Variants in FBXL13 observed in about 807,000 individuals in gnomAD.
The protein encoded by FBXL13 is F-box and leucine-rich repeat protein 13.
Under a neutral mutation model 83.6 loss-of-function variants are expected in FBXL13, and 67 were observed. The observed-to-expected ratio is 0.80, with a 90% CI of 0.66 to 0.98. The LOEUF is 0.98. Ranked by LOEUF, FBXL13 falls within the 50% of genes least tolerant of loss-of-function variation. The probability of loss-of-function intolerance (pLI) is 0.00; values close to 1 mark genes in which losing one functional copy is unlikely to be tolerated. For missense variants in FBXL13, 822 were observed against 866.5 expected, an observed-to-expected ratio of 0.95 and a Z score of 0.64; for synonymous variants, 272 against 299.5, an observed-to-expected ratio of 0.91 and a Z score of 0.95.
chr7:103,053,606 T>C (rs1797050810), intron 2 of FBXL13, among the ~76,000 whole-genome samples: 1 of 152,174 alleles, frequency 6.6e-6, no homozygotes, highest in African/African-American at 2.4e-5. Context: ...ATTTTAGCAA[T>C]AGTTGTCAAG....
intron 11 of FBXL13, among the ~76,000 whole-genome samples, chr7:102,897,671 T>A (rs1365388888): frequency 6.6e-6 from 1 of 152,208 alleles, no homozygotes; most frequent in Non-Finnish European, 1.5e-5. Context: ...TTTTTTCCCT[T>A]GAGTTCTTTT....
intron 8 of FBXL13, among the ~76,000 whole-genome samples, chr7:102,952,024 A>T (rs542905733): frequency 5.0e-4 from 76 of 152,300 alleles, no homozygotes; most frequent in African/African-American, 1.7e-3. Context: ...CCTTAAAAAG[A>T]AATGCTGACA....
At chr7:103,005,530 GT>G (rs1357895708) in intron 6 of FBXL13, among the ~76,000 whole-genome samples, 1 of 152,120 alleles carries the variant, frequency 6.6e-6, no homozygotes, top group East Asian at 1.9e-4. Flanking sequence ...ATATCTCACA[GT>G]TCTGGAAGCT....
intron 17 of FBXL13, among the ~76,000 whole-genome samples, chr7:102,840,358 C>T (rs1802710725): frequency 6.6e-6 from 1 of 152,224 alleles, no homozygotes; most frequent in African/African-American, 2.4e-5. Context: ...ATAACCCACA[C>T]TTTTTACATT....
intron 6 of FBXL13, among the ~76,000 whole-genome samples, chr7:102,971,054 G>A (rs1260500214): frequency 6.6e-6 from 1 of 152,150 alleles, no homozygotes; most frequent in Non-Finnish European, 1.5e-5. Context: ...AAATGTTTTA[G>A]AACTGATGAA....
At chr7:102,915,481 C>T (rs1815658073) in intron 10 of FBXL13, among the ~76,000 whole-genome samples, 2 of 63,910 alleles carry the variant, frequency 3.1e-5, no homozygotes, top group Admixed American at 3.9e-4. Context: ...AAGGATTTCA[C>T]ATTGAATGTA....
chr7:102,974,561 TGAC>T (rs1439721979), intron 6 of FBXL13, among the ~76,000 whole-genome samples: 2 of 152,156 alleles, frequency 1.3e-5, no homozygotes, highest in African/African-American at 4.8e-5. Context: ...CAATTATTGC[TGAC>T]GACTGGAGAA....
intron 6 of FBXL13, among the ~76,000 whole-genome samples, chr7:103,010,413 C>G (rs192394570): frequency 2.0e-5 from 3 of 151,218 alleles, no homozygotes; most frequent in East Asian, 4.0e-4. Flanking sequence ...CTGCTTGAAT[C>G]TGCTGAGAAG....
At chr7:103,051,893 G>C (rs1796856156) in intron 2 of FBXL13, among the ~76,000 whole-genome samples, 1 of 152,206 alleles carries the variant, frequency 6.6e-6, no homozygotes. Flanking sequence ...GATTGGCCAA[G>C]TCTCAGCTAT....
At chr7:102,959,747 A>T (rs1162447143) in intron 8 of FBXL13, among the ~76,000 whole-genome samples, 1 of 152,108 alleles carries the variant, frequency 6.6e-6, no homozygotes, top group African/African-American at 2.4e-5. Flanking sequence ...GGTTAAAGAC[A>T]AATATCACAA....
At chr7:102,817,811 C>T (rs1446395342) in intron 19 of FBXL13, among the ~76,000 whole-genome samples, 1 of 152,142 alleles carries the variant, frequency 6.6e-6, no homozygotes, top group East Asian at 1.9e-4. Context: ...TCTTTGACTG[C>T]ATTCCATTCT....
rs1347968199 is a variant in FBXL13, at chr7:103,060,043, T to C, written c.-104-4296A>G. ...TTTTATATATATATATATATATATATATATATATATATATATATATACTTT... is the reference window on the plus strand; with the variant it reads ...TTTTATATATATATATATATATATACATATATATATATATATATATACTTT... On this transcript the variant is annotated intron_variant, in intron 1 of 19. Transcript: ENST00000313221. Among the ~76,000 whole-genome samples, 9 of 98,864 alleles carry C rather than the reference T, an allele frequency of 9.1e-5. 1 individual carries two copies. Among genetic ancestry groups the C allele is most frequent in the Admixed American group, 5.4e-4 (6 of 11,126 alleles). 64.9% of individuals were successfully genotyped at this position (98,864 alleles called of 152,430 possible).
At chr7:102,821,882 G>A (rs115902620) in intron 19 of FBXL13, among the ~76,000 whole-genome samples, 158 bp downstream of exon 20, 141 of 152,300 alleles carry the variant, frequency 9.3e-4, no homozygotes, top group African/African-American at 3.1e-3. Flanking sequence ...GGCCGTTTTA[G>A]AACAACTCAC....
chr7:102,934,500 A>G (rs1819894170), intron 8 of FBXL13: 1 of 1,613,818 alleles, frequency 6.2e-7, no homozygotes, highest in Non-Finnish European at 8.5e-7. Context: ...GAAAGTCCAC[A>G]AGAACAAAAA....
At chr7:102,829,147 C>T (rs80112170) in intron 18 of FBXL13, among the ~76,000 whole-genome samples, 4,446 of 152,272 alleles carry the variant, frequency 0.029, 187 homozygotes, top group East Asian at 0.16. Context: ...CCCTCAGCTG[C>T]GGTGCAAGTG....
chr7:103,059,895 C>T (rs1295981868), intron 1 of FBXL13, among the ~76,000 whole-genome samples: 2 of 151,130 alleles, frequency 1.3e-5, no homozygotes, highest in Non-Finnish European at 2.9e-5. Context: ...CGTCTGTTTC[C>T]GTTTCCTTAA....
At chr7:102,877,328 A>G in intron 16 of FBXL13, 139 bp downstream of exon 17, 1 of 728,458 alleles carries the variant, frequency 1.4e-6, no homozygotes, top group Non-Finnish European at 2.0e-6. Context: ...ACCCTTCTAG[A>G]AACAATATCC....
At chr7:103,024,135 AAGAGAGAGAGAGAGAGAGAGAGAG>A (rs59206823) in intron 6 of FBXL13, among the ~76,000 whole-genome samples, 1,350 of 96,710 alleles carry the variant, frequency 0.014, 33 homozygotes, top group African/African-American at 0.041. Flanking sequence ...AAAAGTTAAA[AAGAGAGAGAGAGAGAGAGAGAGAG>A]AGAGAGAGAG....
chr7:103,053,247 G>C (rs73410128), intron 2 of FBXL13, among the ~76,000 whole-genome samples: 22,289 of 151,618 alleles, frequency 0.15, 1,819 homozygotes, highest in African/African-American at 0.21. Context: ...CCACCTCCTT[G>C]ATTCAAGTGA....
Sources: allele counts gnomAD v4.1 joint callset (sites outside exome capture counted in the v4.1 genomes callset), GRCh38; gene constraint gnomAD v4.1.1; transcripts MANE v1.5; gene names NCBI Gene and HGNC (gene_info 2026-07-23, HGNC 2026-07-21).